Variants in ABCB9 observed in about 807,000 individuals in gnomAD.
The protein encoded by ABCB9 is ABC-type oligopeptide transporter ABCB9.
In ABCB9, 36 loss-of-function variants were observed where a neutral mutation model predicts 62.0. The ratio of observed to expected loss-of-function variants is 0.58; its 90% CI spans 0.45 to 0.77. The LOEUF is 0.77. Ranked by LOEUF, ABCB9 falls within the 30% of genes least tolerant of loss-of-function variation. The pLI, the probability that ABCB9 is intolerant of heterozygous loss-of-function variation, is 0.00. For missense variants in ABCB9, 943 were observed against 1,054.7 expected (o/e 0.89, Z 1.47); for synonymous variants, 435 against 461.4 (o/e 0.94, Z 0.73).
rs1270082881 is a variant in ABCB9, at chr12:122,944,088, T to G, written c.1380+303A>C. Among the ~76,000 whole-genome samples the G allele has an allele frequency of 6.6e-6, 1 of 152,142 alleles. No homozygotes were observed. The highest frequency in any genetic ancestry group is 1.5e-5 in the Non-Finnish European group (1 of 68,024). ...GGATTACAGGTACCCACCAACACGC[T>G]TGGCTAATTTTTGTGTTTTCAGTAG... On this transcript the variant is annotated intron_variant, in intron 7 of 11. Transcript: ENST00000280560. The surrounding 1 kb of genome is among the most constrained non-coding windows in gnomAD (Gnocchi z 4.9).
At chr12:122,922,842 G>C (rs141232092) in intron 11 of ABCB9, among the ~76,000 whole-genome samples, 2 of 152,294 alleles carry the variant, frequency 1.3e-5, no homozygotes, top group East Asian at 3.9e-4. Flanking sequence ...ACCCGGGCTG[G>C]AGTGCAGTGG....
downstream of ABCB9, among the ~76,000 whole-genome samples, chr12:122,926,376 C>T (rs1201355345): frequency 6.6e-6 from 1 of 151,676 alleles, no homozygotes; most frequent in Non-Finnish European, 1.5e-5. Context: ...GAAACACTGT[C>T]TCTACTAAAA....
At chr12:122,948,940 C>CCG in intron 4 of ABCB9, 111 bp from the exon 5 acceptor site, 1 of 521,004 alleles carries the variant, frequency 1.9e-6, no homozygotes, top group Non-Finnish European at 3.0e-6. Context: ...GCCTCCCTAC[C>CCG]TGTGGGCGGG....
chr12:122,944,789 C>G lies in ABCB9; in HGVS notation c.1252-270G>C, dbSNP rs990726676. ...TTGTGAGGTCCTGGCACACACATGC[C>G]ACCCCCAGGCTCCTCAGCTTGGCCA... On this transcript the variant is annotated intron_variant, in intron 6 of 11. Transcript: ENST00000280560. The surrounding 1 kb of genome is among the most constrained non-coding windows in gnomAD (Gnocchi z 4.9). 2.8e-6 allele frequency: 1 copy of G among 351,766 alleles called. No homozygotes were observed. Among genetic ancestry groups the G allele is most frequent in the Non-Finnish European group, 5.4e-6 (1 of 185,466 alleles). 21.8% of individuals were successfully genotyped at this position (351,766 alleles called of 1,614,324 possible).
At chr12:122,931,964 C>T (rs1302387278) in intron 11 of ABCB9, 2 of 705,860 alleles carry the variant, frequency 2.8e-6, no homozygotes, top group African/African-American at 1.8e-5. Context: ...CATTCTGATG[C>T]CTTCTCTTGC....
At chr12:122,973,590 AAAAAAAAAAAAAAAAAAAAC>A (rs2037317761) in intron 1 of ABCB9, among the ~76,000 whole-genome samples, 1 of 142,124 alleles carries the variant, frequency 7.0e-6, no homozygotes, top group Non-Finnish European at 1.5e-5. Context: ...AAAAAAAAAA[AAAAAAAAAAAAAAAAAAAAC>A]AAAAACTTTG....
chr12:122,924,651 T>A, downstream of ABCB9: 1 of 1,478,932 alleles, frequency 6.8e-7, no homozygotes, highest in Non-Finnish European at 9.0e-7. Context: ...AATGACAGAG[T>A]AAACTAAGTC....
Position 122,940,261 on chromosome 12 carries a change from G to A in ABCB9, c.1593C>T (p.Pro531=), listed in dbSNP as rs753777058. 8.7e-6 allele frequency: 14 copies of A among 1,604,750 alleles called. No homozygotes were observed. The highest frequency in any genetic ancestry group is 6.7e-5 in the African/African-American group (5 of 74,700). The part of the protein sequence containing the change: ...VLQNVSFSLS[P]GKVTALVGPS... Reference sequence around the variant, plus strand: ...GCCCCACCAGGGCCGTCACCTTGCCGGGGGACAGGCTGAAGGAGACATTCT... The same window carrying A: ...GCCCCACCAGGGCCGTCACCTTGCCAGGGGACAGGCTGAAGGAGACATTCT... The change falls in exon 9 of 12, where the codon CCC becomes CCT. Residue 531 remains proline (P), a synonymous_variant. Transcript: ENST00000280560. The surrounding 1 kb of genome is among the most constrained non-coding windows in gnomAD (Gnocchi z 4.8).
intron 9 of ABCB9, among the ~76,000 whole-genome samples, chr12:122,937,647 C>T (rs1432475078): frequency 6.6e-6 from 1 of 152,198 alleles, no homozygotes; most frequent in Non-Finnish European, 1.5e-5. Flanking sequence ...GGTGGCCTCC[C>T]ACTTGGCACC....
At position 122,930,756 on chromosome 12, in the gene ABCB9, G is replaced by A. The variant is rs1190124601; in HGVS notation, c.2041-585C>T. ...CCCCACTGGAATGGAAACACCATGG[G>A]GACAAGGGTCTTTGTCTAGTTAGCC... On this transcript the variant is annotated intron_variant, in intron 11 of 11. Coordinates refer to ENST00000280560, the MANE Select transcript of ABCB9 (RefSeq NM_019625.4). The surrounding 1 kb of genome is among the most constrained non-coding windows in gnomAD (Gnocchi z 4.9). Among the ~76,000 whole-genome samples, 1 of 151,446 alleles carries A rather than the reference G, an allele frequency of 6.6e-6. No homozygotes were observed. The highest frequency in any genetic ancestry group is 6.6e-5 in the Admixed American group (1 of 15,242).
At chr12:122,961,470 G>GA in intron 1 of ABCB9, among the ~76,000 whole-genome samples, 1 of 152,198 alleles carries the variant, frequency 6.6e-6, no homozygotes, top group Non-Finnish European at 1.5e-5. Flanking sequence ...GGGATCAAAA[G>GA]CGTGAGCCAC....
At chr12:122,925,278 G>A (rs1335102591), downstream of ABCB9, among the ~76,000 whole-genome samples, 3 of 152,132 alleles carry the variant, frequency 2.0e-5, no homozygotes, top group African/African-American at 7.2e-5. Flanking sequence ...TGTTGGTGAG[G>A]ATGTGGGGAA....
In ABCB9 at chr12:122,960,214, C is replaced by T; in HGVS notation, c.22G>A (p.Val8Met). The T allele has an allele frequency of 6.2e-7, 1 of 1,611,694 alleles. No homozygotes were observed. Residue 8 changes from valine (V) to methionine (M), a missense_variant, in exon 2 of 12, where the codon GTG becomes ATG. Transcript: ENST00000280560. MRLWKAV[V>M]VTLAFMSVDI... ...ACACTCATGAAGGCCAAAGTCACCA[C>T]CACCGCCTTCCACAGCCGCATCCTG...
downstream of ABCB9, among the ~76,000 whole-genome samples, chr12:122,927,479 CT>C (rs964235629): frequency 6.6e-6 from 1 of 152,168 alleles, no homozygotes; most frequent in Non-Finnish European, 1.5e-5. Flanking sequence ...CTAAACATTA[CT>C]TTTTTAAAAC....
downstream of ABCB9, among the ~76,000 whole-genome samples, chr12:122,925,193 T>C (rs1185964421): frequency 6.6e-6 from 1 of 152,108 alleles, no homozygotes; most frequent in Non-Finnish European, 1.5e-5. Context: ...AGTGCTGGGA[T>C]TACAGATGTG....
At chr12:122,955,383 A>G (rs2036567272) in intron 2 of ABCB9, among the ~76,000 whole-genome samples, 3 of 152,194 alleles carry the variant, frequency 2.0e-5, no homozygotes, top group Non-Finnish European at 4.4e-5. Flanking sequence ...TCGGGTAAAC[A>G]AGGTCATGGC....
intron 2 of ABCB9, among the ~76,000 whole-genome samples, chr12:122,955,653 A>G (rs2036578410): frequency 6.6e-6 from 1 of 151,798 alleles, no homozygotes; most frequent in South Asian, 2.1e-4. Flanking sequence ...AAGTACTGGC[A>G]TTGTAGGCAT....
chr12:122,957,450 C>T (rs1430777170), intron 2 of ABCB9, among the ~76,000 whole-genome samples: 2 of 152,088 alleles, frequency 1.3e-5, no homozygotes, highest in Non-Finnish European at 2.9e-5. Flanking sequence ...TTACGCAGGG[C>T]CACTCGGCTG....
intron 1 of ABCB9, 128 bp downstream of exon 1, chr12:122,966,151 GGAGGCTCC>G (rs2037161701): frequency 6.6e-6 from 1 of 152,404 alleles, no homozygotes; most frequent in East Asian, 1.9e-4. Flanking sequence ...AGGGCTCCAG[GGAGGCTCC>G]CACCTTCAAC....
Sources: allele counts gnomAD v4.1 joint callset (sites outside exome capture counted in the v4.1 genomes callset), GRCh38; gene constraint gnomAD v4.1.1; non-coding constraint Gnocchi (gnomAD v3.1); transcripts MANE v1.5; gene names NCBI Gene and HGNC (gene_info 2026-07-23, HGNC 2026-07-21).